The following MAD1L1 variants were observed in gnomAD, a reference collection of about 807,000 sequenced individuals.
The protein encoded by MAD1L1 is mitotic arrest deficient 1 like 1.
MAD1L1 carries 95 observed loss-of-function variants against 96.9 expected under a neutral mutation model. The observed-to-expected ratio is 0.98, with a 90% CI of 0.83 to 1.16. The LOEUF is 1.16. Among genes scored for constraint, MAD1L1 ranks in the 50% most tolerant of loss-of-function variants. MAD1L1 has a pLI of 0.00. For synonymous variants in MAD1L1, 473 were observed against 396.6 expected, an observed-to-expected ratio of 1.19 and a Z score of -2.29; for missense variants, 1,007 against 954.4, an observed-to-expected ratio of 1.06 and a Z score of -0.73.
chr7:2,154,657 GA>G, intron 10 of MAD1L1, among the ~76,000 whole-genome samples: 1 of 152,204 alleles, frequency 6.6e-6, no homozygotes, highest in Non-Finnish European at 1.5e-5. Context: ...ATAAATAAAA[GA>G]AAATGGGCTC....
intron 10 of MAD1L1, among the ~76,000 whole-genome samples, chr7:2,173,267 G>A (rs1790794620): frequency 6.6e-6 from 1 of 152,152 alleles, no homozygotes; most frequent in Admixed American, 6.5e-5. Context: ...TTCTCAGGAT[G>A]GAAGAGGAGG....
At chr7:2,006,696 C>G (rs773276937) in intron 13 of MAD1L1, among the ~76,000 whole-genome samples, 5 of 152,004 alleles carry the variant, frequency 3.3e-5, no homozygotes, top group African/African-American at 7.3e-5. Flanking sequence ...TCACTAAACC[C>G]GCACGGCCCA....
intron 18 of MAD1L1, among the ~76,000 whole-genome samples, chr7:1,841,699 G>T (rs929769681): frequency 3.3e-5 from 5 of 152,248 alleles, no homozygotes; most frequent in Non-Finnish European, 5.9e-5. Context: ...ACCAAGGAAG[G>T]TGGGCGCTGC....
At chr7:1,906,626 A>G (rs933061184) in intron 17 of MAD1L1, among the ~76,000 whole-genome samples, 1 of 152,218 alleles carries the variant, frequency 6.6e-6, no homozygotes, top group African/African-American at 2.4e-5. Flanking sequence ...CCTGCAGTGC[A>G]ACTGGGCCTC....
intron 10 of MAD1L1, among the ~76,000 whole-genome samples, chr7:2,212,591 GCT>G (rs1793005550): frequency 6.6e-6 from 1 of 152,068 alleles, no homozygotes; most frequent in East Asian, 1.9e-4. Flanking sequence ...TCACTCTCTC[GCT>G]CTCTCATTCC....
intron 10 of MAD1L1, among the ~76,000 whole-genome samples, chr7:2,162,623 AG>A (rs1790212327): frequency 6.6e-6 from 1 of 151,336 alleles, no homozygotes; most frequent in South Asian, 2.1e-4. Flanking sequence ...ACCAACTTAA[AG>A]GGGTAAATGA....
chr7:2,110,039 C>A (rs769538772), intron 11 of MAD1L1, among the ~76,000 whole-genome samples: 3 of 152,276 alleles, frequency 2.0e-5, no homozygotes, highest in Non-Finnish European at 4.4e-5. Context: ...ATGAGGCCCA[C>A]GCCTTTCCAG....
intron 10 of MAD1L1, among the ~76,000 whole-genome samples, chr7:2,186,495 T>A (rs1396383547): frequency 6.6e-6 from 1 of 152,256 alleles, no homozygotes; most frequent in African/African-American, 2.4e-5. Flanking sequence ...TGTAAGGACT[T>A]ATAGCAAACT....
At chr7:2,173,811 G>T (rs1006141095) in intron 10 of MAD1L1, among the ~76,000 whole-genome samples, 13 of 152,184 alleles carry the variant, frequency 8.5e-5, no homozygotes, top group Non-Finnish European at 1.8e-4. Context: ...GAGATAATTT[G>T]TTTTTAAGAT....
At chr7:1,982,804 A>G (rs1036641959) in intron 14 of MAD1L1, among the ~76,000 whole-genome samples, 2 of 152,232 alleles carry the variant, frequency 1.3e-5, no homozygotes, top group African/African-American at 4.8e-5. Flanking sequence ...GCTGAAGCCA[A>G]TACTTTCTTA....
At chr7:1,889,287 C>T (rs567357554) in intron 18 of MAD1L1, among the ~76,000 whole-genome samples, 8 of 152,372 alleles carry the variant, frequency 5.3e-5, no homozygotes, top group Non-Finnish European at 8.8e-5. Context: ...CCGCCAAAGA[C>T]CACCTCCATT....
intron 12 of MAD1L1, among the ~76,000 whole-genome samples, chr7:2,065,396 A>G (rs967886737): frequency 2.0e-5 from 3 of 152,208 alleles, no homozygotes; most frequent in Non-Finnish European, 4.4e-5. Context: ...AGGCCCAGCC[A>G]CGTTGGTTTT....
At chr7:2,192,398 C>T (rs1209820288) in intron 10 of MAD1L1, among the ~76,000 whole-genome samples, 1 of 152,158 alleles carries the variant, frequency 6.6e-6, no homozygotes, top group Non-Finnish European at 1.5e-5. Context: ...TCCCAAACTG[C>T]TGGGATAACA....
At chr7:2,056,017 G>C (rs1784374395) in intron 12 of MAD1L1, among the ~76,000 whole-genome samples, 1 of 152,188 alleles carries the variant, frequency 6.6e-6, no homozygotes, top group Non-Finnish European at 1.5e-5. Flanking sequence ...CACAAATCTA[G>C]CATCAAGGCT....
chr7:2,134,419 C>G (rs937069629), intron 11 of MAD1L1, among the ~76,000 whole-genome samples: 1 of 152,322 alleles, frequency 6.6e-6, no homozygotes, highest in South Asian at 2.1e-4. Flanking sequence ...ACGATCATGT[C>G]ATCTGCAAAC....
In MAD1L1 at chr7:2,119,149, G is replaced by C. The variant is rs759717171; in HGVS notation, c.1073+30003C>G. Among the ~76,000 whole-genome samples the C allele has an allele frequency of 6.6e-6, 1 of 152,070 alleles. No homozygotes were observed. The highest frequency in any genetic ancestry group is 1.5e-5 in the Non-Finnish European group (1 of 68,002). ...AAGCCGTGTTTCCACAAAGCAAGAA[G>C]GTTCAGGCCAGGCAGCCTGGACTCC... On this transcript the variant is annotated intron_variant, in intron 11 of 18. Transcript: ENST00000265854. The surrounding 1 kb of genome is among the most constrained non-coding windows in gnomAD (Gnocchi z 4.6).
chr7:2,063,128 C>T lies in MAD1L1; in HGVS notation c.1218+6066G>A, dbSNP rs532971107. On this transcript the variant is annotated intron_variant, in intron 12 of 18. Coordinates refer to ENST00000265854, the MANE Select transcript of MAD1L1 (RefSeq NM_001013836.2). ...TGTTTCTTACACTGGGACTGAGACA[C>T]GGGAACTTGCTGTATTCTTTGAGCT... 2.2e-4 allele frequency among the ~76,000 whole-genome samples: 34 copies of T among 152,366 alleles called. No individual in the cohort carries two copies. The South Asian group carries it at 5.6e-3, about 25-fold the overall frequency.
At chr7:1,876,843 A>G (rs1003401331) in intron 18 of MAD1L1, among the ~76,000 whole-genome samples, 1 of 147,010 alleles carries the variant, frequency 6.8e-6, no homozygotes, top group African/African-American at 2.5e-5. Context: ...GCTCAAGGCC[A>G]CACGCACAGG....
chr7:2,196,878 C>G (rs1440041643), intron 10 of MAD1L1, among the ~76,000 whole-genome samples: 1 of 152,210 alleles, frequency 6.6e-6, no homozygotes, highest in Non-Finnish European at 1.5e-5. Flanking sequence ...ACAGGAAACA[C>G]CGCCCACCCT....
Sources: gnomAD v4.1 joint callset for allele counts (sites outside exome capture counted in the v4.1 genomes callset) on GRCh38, gnomAD v4.1.1 for gene constraint, Gnocchi (gnomAD v3.1) non-coding constraint, MANE v1.5 for transcripts, NCBI Gene and HGNC (gene_info 2026-07-23, HGNC 2026-07-21) for gene names.